Variants in ZNF782 observed in about 807,000 individuals in gnomAD.
ZNF782 encodes zinc finger protein 782.
Under a neutral mutation model 13.0 loss-of-function variants are expected in ZNF782, and 12 were observed. The ratio of observed to expected loss-of-function variants is 0.92; its 90% CI spans 0.59 to 1.50. The LOEUF (loss-of-function observed/expected upper bound fraction) is 1.50. Ranked by LOEUF, ZNF782 falls within the 40% of genes most tolerant of loss-of-function variation. The pLI is 0.00. For synonymous variants in ZNF782, 284 were observed against 283.0 expected (o/e 1.00, Z -0.04); for missense variants, 770 against 822.9 (o/e 0.94, Z 0.79).
intron 1 of ZNF782, chr9:96,875,346 T>G: frequency 2.6e-6 from 1 of 389,192 alleles, no homozygotes; most frequent in South Asian, 1.9e-5. Context: ...CTTGGCTGTT[T>G]GCTTTACAGC....
chr9:96,927,334 G>A, the ZNF782 span, among the ~76,000 whole-genome samples: 10 of 152,092 alleles, frequency 6.6e-5, no homozygotes, highest in African/African-American at 2.4e-4. Flanking sequence ...AGAGTTCTAG[G>A]AATTGTAAGC....
At chr9:96,906,908 GGCAACTCATTA>G in the ZNF782 span, among the ~76,000 whole-genome samples, 1 of 152,244 alleles carries the variant, frequency 6.6e-6, no homozygotes, top group South Asian at 2.1e-4. Flanking sequence ...CCAGCCATCT[GGCAACTCATTA>G]GCACACAAAA....
chr9:96,833,285 A>C (rs1850866435), intron 4 of ZNF782, among the ~76,000 whole-genome samples: 1 of 152,194 alleles, frequency 6.6e-6, no homozygotes, highest in Non-Finnish European at 1.5e-5. Flanking sequence ...TTATGAAATA[A>C]AGTCCACACT....
the ZNF782 span, among the ~76,000 whole-genome samples, chr9:96,903,676 C>T: frequency 6.9e-6 from 1 of 145,476 alleles, no homozygotes; most frequent in Non-Finnish European, 1.5e-5. Context: ...CATTCTCCTG[C>T]CTCAGCCTCC....
At chr9:96,912,721 G>A in the ZNF782 span, among the ~76,000 whole-genome samples, 1 of 150,954 alleles carries the variant, frequency 6.6e-6, no homozygotes, top group Non-Finnish European at 1.5e-5. Context: ...TAGAGACGGG[G>A]TTTCACCATG....
chr9:96,834,066 G>A (rs1428617154), intron 4 of ZNF782, among the ~76,000 whole-genome samples: 1 of 152,114 alleles, frequency 6.6e-6, no homozygotes, highest in Non-Finnish European at 1.5e-5. Flanking sequence ...GGAGGTGTTC[G>A]GTCACGGGGC....
At chr9:96,842,140 T>C (rs977658572) in intron 4 of ZNF782, among the ~76,000 whole-genome samples, 2 of 151,970 alleles carry the variant, frequency 1.3e-5, no homozygotes, top group African/African-American at 2.4e-5. Context: ...AAATATAACA[T>C]GTACAGGACT....
chr9:96,837,424 CT>C (rs1326202760), intron 4 of ZNF782, among the ~76,000 whole-genome samples: 1 of 151,942 alleles, frequency 6.6e-6, no homozygotes, highest in Non-Finnish European at 1.5e-5. Flanking sequence ...TGAGTCTTCC[CT>C]TTTTTTCTGA....
chr9:96,926,655 G>A, the ZNF782 span, among the ~76,000 whole-genome samples: 2 of 151,938 alleles, frequency 1.3e-5, no homozygotes, highest in Admixed American at 6.5e-5. Flanking sequence ...AACTCATGAG[G>A]ATATTGGATA....
upstream of ZNF782, among the ~76,000 whole-genome samples, chr9:96,880,536 T>C (rs977526980): frequency 2.0e-5 from 3 of 152,246 alleles, no homozygotes; most frequent in Non-Finnish European, 4.4e-5. Context: ...TCAACTGATA[T>C]GATCCTGTGG....
At chr9:96,910,259 G>T in the ZNF782 span, 2 of 617,912 alleles carry the variant, frequency 3.2e-6, no homozygotes, top group Admixed American at 2.0e-5. Context: ...AAGTGGGGAG[G>T]AAGAGGAGGA....
chr9:96,910,283 G>C, the ZNF782 span: 1 of 570,394 alleles, frequency 1.8e-6, no homozygotes. Flanking sequence ...AAAAGAAGGT[G>C]ATGGTGAGGA....
At chr9:96,933,370 CT>C in the ZNF782 span, among the ~76,000 whole-genome samples, 48 of 149,758 alleles carry the variant, frequency 3.2e-4, no homozygotes, top group African/African-American at 1.2e-3. Context: ...GGGTTTAGGT[CT>C]TTTTTGTTTG....
chr9:96,818,520 T>G lies in ZNF782; in HGVS notation c.1503A>C (p.Thr501=). 1 of 1,613,788 alleles carries G rather than the reference T, an allele frequency of 6.2e-7. No homozygotes were observed. Among genetic ancestry groups the G allele is most frequent in the Non-Finnish European group, 8.5e-7 (1 of 1,179,934 alleles). The change falls in exon 6 of 6, where the codon ACA becomes ACC. Residue 501 remains threonine (T), a synonymous_variant. Transcript: ENST00000481138. The part of the protein sequence containing the change: ...SGLRNHRRTH[T]GERPYKCDEC... ...CATCACATTTATATGGTCTTTCCCC[T>G]GTGTGAGTTCTTCGGTGATTCCTTA...
chr9:96,818,640 A>G lies in ZNF782; in HGVS notation c.1383T>C (p.Tyr461=). 4 of 1,612,210 alleles carry G rather than the reference A, an allele frequency of 2.5e-6. No homozygotes were observed. The highest frequency in any genetic ancestry group is 3.4e-6 in the Non-Finnish European group (4 of 1,179,554). ...ECHECGKSFN[Y]KSILIVHQRT... ...TCTGATGCACTATGAGGATTGACTT[A>G]TAGTTAAAAGATTTCCCACATTCAT... Residue 461 remains tyrosine, a synonymous_variant, in exon 6 of 6, where the codon TAT becomes TAC. Transcript: ENST00000481138.
intron 1 of ZNF782, among the ~76,000 whole-genome samples, chr9:96,867,011 G>T (rs1851763080): frequency 6.6e-6 from 1 of 152,242 alleles, no homozygotes; most frequent in Non-Finnish European, 1.5e-5. Flanking sequence ...TAGGCAGAAG[G>T]GACTTGCCTT....
chr9:96,822,838 A>G (rs1850472285), intron 5 of ZNF782, among the ~76,000 whole-genome samples: 1 of 152,216 alleles, frequency 6.6e-6, no homozygotes, highest in Non-Finnish European at 1.5e-5. Flanking sequence ...TTGATTAAAT[A>G]TGTTTTTAAA....
the ZNF782 span, among the ~76,000 whole-genome samples, chr9:96,920,823 G>A: frequency 1.3e-5 from 2 of 150,382 alleles, no homozygotes; most frequent in Non-Finnish European, 2.9e-5. Flanking sequence ...GCTGAGGGAG[G>A]AGAATCGCTT....
chr9:96,903,556 G>T, the ZNF782 span, among the ~76,000 whole-genome samples: 21 of 75,420 alleles, frequency 2.8e-4, no homozygotes, highest in South Asian at 5.8e-4. Context: ...TTTTATGTTG[G>T]TTTTTTTTTT....
Sources: gnomAD v4.1 joint callset for allele counts (sites outside exome capture counted in the v4.1 genomes callset) on GRCh38, gnomAD v4.1.1 for gene constraint, MANE v1.5 for transcripts, NCBI Gene and HGNC (gene_info 2026-07-23, HGNC 2026-07-21) for gene names.